Variants in MPP7 observed in about 807,000 individuals in gnomAD.
MPP7 encodes MAGUK p55 subfamily member 7.
A neutral mutation model predicts 76.5 loss-of-function variants in MPP7; 60 were observed. The ratio of observed to expected loss-of-function variants is 0.78; its 90% confidence interval spans 0.64 to 0.97. The LOEUF is 0.97. Ranked by LOEUF, MPP7 falls within the 50% of genes least tolerant of loss-of-function variation. The pLI, the probability that MPP7 is intolerant of heterozygous loss-of-function variation, is 0.00. For missense variants in MPP7, 641 were observed against 694.0 expected, an observed-to-expected ratio of 0.92 and a Z score of 0.86; for synonymous variants, 237 against 244.5, an observed-to-expected ratio of 0.97 and a Z score of 0.29.
intron 1 of MPP7, among the ~76,000 whole-genome samples, chr10:28,244,475 T>C (rs1453958576): frequency 6.6e-6 from 1 of 152,094 alleles, no homozygotes; most frequent in Admixed American, 6.5e-5. Context: ...AAAGATGATT[T>C]ATACAACCAA....
intron 12 of MPP7, among the ~76,000 whole-genome samples, chr10:28,082,278 T>C (rs188169204): frequency 6.6e-6 from 1 of 152,336 alleles, no homozygotes; most frequent in East Asian, 1.9e-4. Flanking sequence ...ATCTAATAAG[T>C]GTTTTAACAC....
At chr10:28,208,495 A>G (rs763627147) in intron 2 of MPP7, among the ~76,000 whole-genome samples, 2 of 152,330 alleles carry the variant, frequency 1.3e-5, no homozygotes, top group Non-Finnish European at 2.9e-5. Context: ...ACTCACTGGG[A>G]GTCTGCCCAT....
intron 3 of MPP7, among the ~76,000 whole-genome samples, chr10:28,186,774 C>T (rs946840104): frequency 2.0e-5 from 3 of 152,132 alleles, no homozygotes; most frequent in Non-Finnish European, 4.4e-5. Flanking sequence ...TTCACTGAGC[C>T]AGTCAATTCA....
intron 1 of MPP7, among the ~76,000 whole-genome samples, chr10:28,266,137 T>G (rs1263858988): frequency 6.6e-6 from 1 of 152,104 alleles, no homozygotes; most frequent in Non-Finnish European, 1.5e-5. Context: ...TTTTTGTATT[T>G]TTAGTAGAGA....
At chr10:28,067,067 G>A (rs553227067) in intron 13 of MPP7, among the ~76,000 whole-genome samples, 15 of 152,072 alleles carry the variant, frequency 9.9e-5, no homozygotes, top group Non-Finnish European at 2.1e-4. Context: ...CAGTAGGAGC[G>A]GAATTGCTGG....
chr10:28,108,388 C>T (rs1368408003), intron 11 of MPP7, among the ~76,000 whole-genome samples: 3 of 152,152 alleles, frequency 2.0e-5, no homozygotes, highest in African/African-American at 7.2e-5. Flanking sequence ...GGCACAGTGG[C>T]TCATGCCTAT....
At chr10:28,058,144 A>G (rs1009068452) in intron 15 of MPP7, among the ~76,000 whole-genome samples, 1 of 152,248 alleles carries the variant, frequency 6.6e-6, no homozygotes, top group Non-Finnish European at 1.5e-5. Flanking sequence ...TTACTAATAC[A>G]TAACACATAA....
intron 6 of MPP7, 126 bp from the exon 7 acceptor site, chr10:28,125,217 G>C: frequency 1.3e-6 from 1 of 758,410 alleles, no homozygotes; most frequent in Non-Finnish European, 2.2e-6. Flanking sequence ...AAAGAAATGA[G>C]GCAGGAAAAA....
Position 28,175,546 on chromosome 10 carries a change from T to C in MPP7, c.157-25487A>G, listed in dbSNP as rs187891422. On this transcript the variant is annotated intron_variant, in intron 3 of 16. Coordinates refer to ENST00000683449, the MANE Select transcript of MPP7 (RefSeq NM_001318170.2). The stretch of plus-strand genomic sequence containing the variant: ...ACTAAACAGTCAACACTGAGAAATA[T>C]TTTTTAAGAATCAGAAATTTTAAAA... Among the ~76,000 whole-genome samples the C allele has an allele frequency of 1.6e-4, 25 of 152,272 alleles. No homozygotes were observed. The East Asian group carries it at 4.4e-3, about 27-fold the overall frequency.
chr10:28,066,284 G>A (rs1487856393), intron 13 of MPP7, among the ~76,000 whole-genome samples: 1 of 152,116 alleles, frequency 6.6e-6, no homozygotes, highest in African/African-American at 2.4e-5. Context: ...TTCTTGAAAA[G>A]CAACTTTGAA....
At chr10:28,119,225 T>C (rs938829650) in intron 11 of MPP7, among the ~76,000 whole-genome samples, 4 of 152,142 alleles carry the variant, frequency 2.6e-5, no homozygotes, top group African/African-American at 9.6e-5. Context: ...AAGAAAGGAA[T>C]TAAGAACAAT....
At position 28,054,256 on chromosome 10, in the gene MPP7, AG is replaced by A. The variant is rs771353554; in HGVS notation, c.1552-13del. ...TGAAAATCTTCTTCCTACAAAAGGA[AG>A]TATTAAAAAAATAATTGGTTAACCA... On this transcript the variant is annotated splice_polypyrimidine_tract_variant and intron_variant, in intron 16 of 16. Transcript: ENST00000683449. 26 of 1,511,282 alleles carry A rather than the reference AG, an allele frequency of 1.7e-5. No homozygotes were observed. In the East Asian group the frequency reaches 5.8e-4, roughly 33 times the overall value. 93.6% of individuals were successfully genotyped at this position (1,511,282 alleles called of 1,614,324 possible).
intron 11 of MPP7, among the ~76,000 whole-genome samples, chr10:28,113,493 A>C (rs1188408310): frequency 6.6e-6 from 1 of 152,170 alleles, no homozygotes; most frequent in Non-Finnish European, 1.5e-5. Context: ...CTTGGTAGGA[A>C]TAAACCGGAA....
intron 3 of MPP7, among the ~76,000 whole-genome samples, chr10:28,169,774 T>C (rs780419573): frequency 2.0e-5 from 3 of 152,208 alleles, no homozygotes; most frequent in Admixed American, 6.5e-5. Context: ...GACTTTCATA[T>C]ACAGACCTTG....
At chr10:28,125,140 G>T in intron 6 of MPP7, 49 bp from the exon 7 acceptor site, 3 of 1,474,632 alleles carry the variant, frequency 2.0e-6, no homozygotes, top group Non-Finnish European at 2.8e-6. Context: ...TGTGTACTAG[G>T]TGTTAGAAAA....
intron 3 of MPP7, among the ~76,000 whole-genome samples, chr10:28,182,201 G>C (rs1837082307): frequency 8.9e-6 from 1 of 112,652 alleles, no homozygotes; most frequent in Admixed American, 8.9e-5. Flanking sequence ...AATAGCAAAG[G>C]ATATAAAAAG....
rs189141414 is a variant in MPP7 at position 28,215,347 on chromosome 10, A to G, written c.38-13076T>C. 1.5e-3 allele frequency among the ~76,000 whole-genome samples: 231 copies of G among 152,176 alleles called. 1 individual carries two copies. The highest frequency in any genetic ancestry group is 5.1e-3 in the African/African-American group (210 of 41,500). On this transcript the variant is annotated intron_variant, in intron 2 of 16. Coordinates refer to ENST00000683449, the MANE Select transcript of MPP7 (RefSeq NM_001318170.2). ...GGTTACAAAGAAGGGAGGAAAAAAA[A>G]AATAAAAGCAAACACAAGTTTTTTC...
intron 2 of MPP7, among the ~76,000 whole-genome samples, chr10:28,321,948 C>CGTGTGTGTGT (rs3064171): frequency 2.1e-3 from 295 of 143,456 alleles, no homozygotes; most frequent in African/African-American, 3.3e-3. Context: ...TTTTTGTAGA[C>CGTGTGTGTGT]GTGTGTGTGT....
At chr10:28,178,047 C>T (rs1334354441) in intron 3 of MPP7, among the ~76,000 whole-genome samples, 1 of 152,164 alleles carries the variant, frequency 6.6e-6, no homozygotes. Context: ...CCAACAGTAG[C>T]TGATTTTTCA....
Sources: allele counts gnomAD v4.1 joint callset (sites outside exome capture counted in the v4.1 genomes callset), GRCh38; gene constraint gnomAD v4.1.1; transcripts MANE v1.5; gene names NCBI Gene and HGNC (gene_info 2026-07-23, HGNC 2026-07-21).